AR: variants seen among roughly 807,000 people sequenced by gnomAD.
AR encodes the protein dihydrotestosterone receptor.
In AR, 8 loss-of-function variants were observed where a neutral mutation model predicts 53.9. That is an observed-to-expected ratio of 0.15 (90% CI 0.09 to 0.27). The LOEUF (loss-of-function observed/expected upper bound fraction) is 0.27. AR is among the 10% of genes least tolerant of loss of function. AR has a pLI of 1.00. For missense variants in AR, 639 were observed against 742.5 expected (o/e 0.86, Z 1.62); for synonymous variants, 359 against 316.4 (o/e 1.13, Z -1.43).
At chrX:67,659,463 C>T (rs747293892) in intron 2 of AR, among the ~76,000 whole-genome samples, 3 of 110,573 alleles carry the variant, frequency 2.7e-5, no homozygotes, top group Non-Finnish European at 3.8e-5. Flanking sequence ...TGAGAACATG[C>T]GGTGTTTGGT....
At chrX:67,574,146 T>C (rs1395054453) in intron 1 of AR, among the ~76,000 whole-genome samples, 2 of 112,124 alleles carry the variant, frequency 1.8e-5, no homozygotes, top group Non-Finnish European at 3.8e-5. Context: ...AGTGGTGGTT[T>C]ACTTCACTTC....
chrX:67,701,671 C>T (rs1192826565), intron 3 of AR, among the ~76,000 whole-genome samples: 3 of 95,699 alleles, frequency 3.1e-5, no homozygotes, highest in Non-Finnish European at 6.1e-5. Flanking sequence ...GTGTACTAAC[C>T]ATTCACACAC....
intron 2 of AR, among the ~76,000 whole-genome samples, chrX:67,674,828 A>G (rs2075889763): frequency 9.0e-6 from 1 of 111,352 alleles, no homozygotes; most frequent in African/African-American, 3.3e-5. Flanking sequence ...GCTGCAAGAC[A>G]AAGTCCTCTT....
intron 1 of AR, among the ~76,000 whole-genome samples, chrX:67,632,328 A>T (rs1925191071): frequency 8.9e-6 from 1 of 112,775 alleles, no homozygotes; most frequent in Non-Finnish European, 1.9e-5. Flanking sequence ...CATGTGCGGG[A>T]TATAATCTCC....
intron 2 of AR, among the ~76,000 whole-genome samples, chrX:67,649,980 T>C (rs1419525905): frequency 1.8e-5 from 2 of 111,687 alleles, no homozygotes; most frequent in Non-Finnish European, 3.8e-5. Flanking sequence ...GAGAATAAAA[T>C]ACCTAGGAAT....
chrX:67,633,593 A>C (rs975460827), intron 1 of AR, among the ~76,000 whole-genome samples: 1 of 112,448 alleles, frequency 8.9e-6, no homozygotes, highest in Non-Finnish European at 1.9e-5. Flanking sequence ...ACTTGTACAC[A>C]AATGTTCATT....
At chrX:67,623,924 G>A (rs561878498) in intron 1 of AR, among the ~76,000 whole-genome samples, 10 of 111,058 alleles carry the variant, frequency 9.0e-5, no homozygotes, top group Non-Finnish European at 1.5e-4. Context: ...GAAGAAAAGC[G>A]CTTTAATTGA....
intron 1 of AR, among the ~76,000 whole-genome samples, chrX:67,632,516 ACCCACTGACCTGCG>A (rs1239898720): frequency 2.7e-5 from 3 of 112,074 alleles, no homozygotes; most frequent in Non-Finnish European, 5.6e-5. Context: ...GGTGCGCTGC[ACCCACTGACCTGCG>A]CCCACTGTCT....
rs765113807 is a variant in AR at position 67,546,780 on chromosome X, G to T, written c.1616+18G>T. 1 of 1,195,198 alleles carries T rather than the reference G, an allele frequency of 8.4e-7. No individual in the cohort carries two copies. Among genetic ancestry groups the T allele is most frequent in the Non-Finnish European group, 1.1e-6 (1 of 885,842 alleles). The stretch of plus-strand genomic sequence containing the variant: ...GACATGCGGTAAGTTTTTCCTTCCA[G>T]AAATGTCGCCTTTCGGCCCAGGGCA... On this transcript the variant is annotated intron_variant, in intron 1 of 7. Coordinates refer to ENST00000374690, the MANE Select transcript of AR (RefSeq NM_000044.6).
At chrX:67,714,881 A>C (rs909515084) in intron 4 of AR, among the ~76,000 whole-genome samples, 4 of 111,890 alleles carry the variant, frequency 3.6e-5, no homozygotes, top group Non-Finnish European at 7.5e-5. Flanking sequence ...ATTAGACTCT[A>C]GGGAGGTTAG....
At chrX:67,621,821 A>C (rs1340735974) in intron 1 of AR, among the ~76,000 whole-genome samples, 1 of 111,846 alleles carries the variant, frequency 8.9e-6, no homozygotes, top group African/African-American at 3.3e-5. Context: ...TTCAATGTGC[A>C]GCCAAGGGTG....
chrX:67,604,084 G>A (rs1435777601), intron 1 of AR, among the ~76,000 whole-genome samples: 4 of 110,151 alleles, frequency 3.6e-5, no homozygotes, highest in Admixed American at 9.7e-5. Context: ...TGAGAGGGTG[G>A]GTAACAGCAA....
chrX:67,712,164 G>C (rs2147525973), intron 4 of AR, among the ~76,000 whole-genome samples: 1 of 112,026 alleles, frequency 8.9e-6, no homozygotes, highest in African/African-American at 3.2e-5. Context: ...TTGGGAATCA[G>C]AACACTTCGG....
intron 2 of AR, among the ~76,000 whole-genome samples, chrX:67,661,639 C>T (rs773891613): frequency 4.5e-5 from 5 of 111,386 alleles, no homozygotes; most frequent in African/African-American, 9.8e-5. Flanking sequence ...TCAGGGATAT[C>T]GGTCTAAAAT....
chrX:67,549,654 T>C (rs1929919877), intron 1 of AR, among the ~76,000 whole-genome samples: 1 of 111,918 alleles, frequency 8.9e-6, no homozygotes, highest in South Asian at 3.7e-4. Flanking sequence ...CACAATAATA[T>C]GACAAAAATT....
At chrX:67,592,050 A>G (rs1663164542) in intron 1 of AR, among the ~76,000 whole-genome samples, 1 of 112,629 alleles carries the variant, frequency 8.9e-6, no homozygotes, top group Non-Finnish European at 1.9e-5. Context: ...TGAAACTAAG[A>G]TAATGTGTTC....
chrX:67,660,946 A>G (rs1396738834), intron 2 of AR, among the ~76,000 whole-genome samples: 2 of 111,176 alleles, frequency 1.8e-5, no homozygotes, highest in Non-Finnish European at 3.8e-5. Context: ...TGTAAGTTGG[A>G]TTCCTAGGTA....
chrX:67,627,422 A>G (rs569432211), intron 1 of AR, among the ~76,000 whole-genome samples: 2 of 112,268 alleles, frequency 1.8e-5, no homozygotes, highest in African/African-American at 6.5e-5. Context: ...GGGTGCATAA[A>G]TGTCTTCTTT....
intron 1 of AR, among the ~76,000 whole-genome samples, chrX:67,563,514 T>C: frequency 9.0e-6 from 1 of 111,575 alleles, no homozygotes; most frequent in East Asian, 2.8e-4. Context: ...GTAGTAGTAG[T>C]CCAGACAAAC....
Sources: gnomAD v4.1 joint callset for allele counts (sites outside exome capture counted in the v4.1 genomes callset) on GRCh38, gnomAD v4.1.1 for gene constraint, MANE v1.5 for transcripts, NCBI Gene and HGNC (gene_info 2026-07-23, HGNC 2026-07-21) for gene names.